Variants in MYLK observed in about 807,000 individuals in gnomAD.
MYLK encodes the protein myosin light chain kinase, smooth muscle.
Under a neutral mutation model 203.4 loss-of-function variants are expected in MYLK, and 106 were observed. The observed-to-expected ratio is 0.52, with a 90% CI of 0.45 to 0.61. MYLK has a LOEUF of 0.61. MYLK is among the 20% of genes least tolerant of loss of function. The pLI is 0.00. For synonymous variants in MYLK, 867 were observed against 959.5 expected (o/e 0.90, Z 1.78); for missense variants, 2,072 against 2,442.3 (o/e 0.85, Z 3.20).
intron 11 of MYLK, among the ~76,000 whole-genome samples, chr3:123,731,012 T>C (rs2062456422): frequency 6.6e-6 from 1 of 152,182 alleles, no homozygotes; most frequent in Non-Finnish European, 1.5e-5. Context: ...AATAGTCTTC[T>C]GTGAGACTTA....
Position 123,734,065 on chromosome 3 carries a change from T to C in MYLK, c.931A>G (p.Asn311Asp), listed in dbSNP as rs2062590430. The C allele has an allele frequency of 3.7e-6, 6 of 1,613,760 alleles. No individual in the cohort carries two copies. Among genetic ancestry groups the C allele is most frequent in the Non-Finnish European group, 5.1e-6 (6 of 1,179,774 alleles). Residue 311 changes from asparagine (N) to aspartate (D), a missense_variant, in exon 10 of 34, where the codon AAC becomes GAC. Coordinates refer to ENST00000360304, the MANE Select transcript of MYLK (RefSeq NM_053025.4). The part of the protein sequence containing the change: ...QRGGSPPWAA[N>D]SQPQPPRESK... ...TCCCTTGGGGGCTGAGGCTGGCTGT[T>C]TGCAGCCCAGGGTGGGGAGCCACCT...
chr3:123,864,797 C>T (rs77582428), intron 2 of MYLK, among the ~76,000 whole-genome samples: 23 of 152,036 alleles, frequency 1.5e-4, no homozygotes, highest in African/African-American at 5.1e-4. Flanking sequence ...TCCAGCTACT[C>T]GGGAAGCTAA....
At chr3:123,792,125 C>T (rs1045426881) in intron 4 of MYLK, among the ~76,000 whole-genome samples, 2 of 152,196 alleles carry the variant, frequency 1.3e-5, no homozygotes, top group Non-Finnish European at 2.9e-5. Flanking sequence ...ATGGTTCTTT[C>T]ATGACACCAA....
At chr3:123,746,974 CAAAAG>C (rs2063037486) in intron 5 of MYLK, among the ~76,000 whole-genome samples, 14 of 152,162 alleles carry the variant, frequency 9.2e-5, no homozygotes, top group Admixed American at 9.2e-4. Context: ...CAAAAAGAAC[CAAAAG>C]AAGAACCATG....
chr3:123,672,712 G>A (rs538185981), intron 20 of MYLK, among the ~76,000 whole-genome samples: 13 of 152,330 alleles, frequency 8.5e-5, no homozygotes, highest in African/African-American at 3.1e-4. Flanking sequence ...CTGTAAATTT[G>A]GAGCTACCAT....
intron 24 of MYLK, among the ~76,000 whole-genome samples, chr3:123,652,075 G>A (rs1250957841): frequency 1.3e-5 from 2 of 152,086 alleles, no homozygotes; most frequent in Admixed American, 6.5e-5. Flanking sequence ...AGTGAGACCC[G>A]ATCTCTTTAA....
chr3:123,825,365 C>A (rs1219146964), intron 3 of MYLK, among the ~76,000 whole-genome samples: 1 of 152,138 alleles, frequency 6.6e-6, no homozygotes, highest in Non-Finnish European at 1.5e-5. Flanking sequence ...GCAGATCTAT[C>A]TCCCCTGCCA....
At position 123,648,880 on chromosome 3, in the gene MYLK, G is replaced by T; in HGVS notation, c.4415+91C>A. On this transcript the variant is annotated intron_variant, in intron 26 of 33. Coordinates refer to ENST00000360304, the MANE Select transcript of MYLK (RefSeq NM_053025.4). This position sits in a 1 kb window ranked among gnomAD's most constrained non-coding sequence, Gnocchi z 4.5. The stretch of plus-strand genomic sequence containing the variant: ...GTCTGGGGAGGAGGCAGGCCCCAGG[G>T]AGCAACAGGAAGCTGAGGCACTGAA... The T allele has an allele frequency of 9.2e-7, 1 of 1,091,800 alleles. No homozygotes were observed. Among genetic ancestry groups the T allele is most frequent in the Admixed American group, 1.7e-5 (1 of 58,504 alleles). 67.6% of individuals were successfully genotyped at this position (1,091,800 alleles called of 1,614,324 possible).
chr3:123,756,390 A>T (rs1268806654), intron 4 of MYLK, among the ~76,000 whole-genome samples: 1 of 152,122 alleles, frequency 6.6e-6, no homozygotes. Flanking sequence ...CCAGGTGTGT[A>T]CCTAAGACAC....
At chr3:123,636,903 T>C (rs1427601427) in intron 29 of MYLK, among the ~76,000 whole-genome samples, 2 of 152,220 alleles carry the variant, frequency 1.3e-5, no homozygotes, top group Non-Finnish European at 2.9e-5. Context: ...TAACAGGCTA[T>C]AGTGAGTAAA....
chr3:123,634,685 G>C (rs1386911245), intron 29 of MYLK, among the ~76,000 whole-genome samples: 1 of 152,210 alleles, frequency 6.6e-6, no homozygotes, highest in African/African-American at 2.4e-5. Context: ...GGGAGAGAAG[G>C]CATTGTGGAG....
At chr3:123,699,866 CGGCCCTCCTACCCAGCA>C (rs1179178234) in intron 18 of MYLK, among the ~76,000 whole-genome samples, 137 bp downstream of exon 18, 1 of 152,160 alleles carries the variant, frequency 6.6e-6, no homozygotes, top group African/African-American at 2.4e-5. Flanking sequence ...AACAGGGACG[CGGCCCTCCTACCCAGCA>C]GGCCCTCCTA....
rs1576282420 is a variant in MYLK at position 123,614,111 on chromosome 3, T to TTCTTCC, written c.5733_5738dup (p.Glu1912_Glu1913dup). On this transcript the variant is annotated inframe_insertion, in exon 34 of 34. Transcript: ENST00000360304. Reference sequence around the variant, plus strand: ...GCTTTTCTCTGGCTTTGTTTCACTCTTCTTCCTCTTCCCCTTCCCCTTCAC... The same window carrying TTCTTCC: ...GCTTTTCTCTGGCTTTGTTTCACTCTTCTTCCTCTTCCTCTTCCCCTTCCCCTTCAC... 1.2e-6 allele frequency: 2 copies of TTCTTCC among 1,613,940 alleles called. No individual in the cohort carries two copies. The highest frequency in any genetic ancestry group is 1.7e-6 in the Non-Finnish European group (2 of 1,179,984).
rs986856912 is a variant in MYLK at position 123,708,986 on chromosome 3, A to G, written c.1943-91T>C. On this transcript the variant is annotated intron_variant, in intron 14 of 33. Coordinates refer to ENST00000360304, the MANE Select transcript of MYLK (RefSeq NM_053025.4). ...CGCTGAATGCAGTGATATTGGATGA[A>G]ACACTCCAACAACTCTCTATGCTTT... is the stretch of plus-strand genomic sequence containing the variant. The G allele has an allele frequency of 4.8e-6, 5 of 1,039,348 alleles. No individual in the cohort carries two copies. The African/African-American group carries it at 6.3e-5, about 13-fold the overall frequency. The allele number at this position is 1,039,348 out of a possible 1,614,324, so 64.4% of individuals were successfully genotyped here.
intron 4 of MYLK, among the ~76,000 whole-genome samples, chr3:123,762,550 TTTATGCA>T (rs1447915373): frequency 2.0e-5 from 3 of 152,116 alleles, no homozygotes; most frequent in Non-Finnish European, 4.4e-5. Flanking sequence ...TCTTTTTAAT[TTTATGCA>T]TTATCTCTGC....
chr3:123,757,610 G>T (rs1392811347), intron 4 of MYLK, among the ~76,000 whole-genome samples: 1 of 152,230 alleles, frequency 6.6e-6, no homozygotes, highest in Non-Finnish European at 1.5e-5. Context: ...GGATTGGGAA[G>T]ATGCACCAAG....
At chr3:123,782,859 T>G (rs555229790) in intron 4 of MYLK, among the ~76,000 whole-genome samples, 1 of 152,290 alleles carries the variant, frequency 6.6e-6, no homozygotes, top group East Asian at 1.9e-4. Context: ...CTTAAAGAAC[T>G]TACAACAAAA....
intron 2 of MYLK, among the ~76,000 whole-genome samples, chr3:123,848,505 C>A (rs2030334594): frequency 6.6e-6 from 1 of 151,786 alleles, no homozygotes; most frequent in Non-Finnish European, 1.5e-5. Flanking sequence ...ATACACCATG[C>A]TAAAATAAAA....
chr3:123,710,816 T>C (rs2061663745), intron 13 of MYLK, among the ~76,000 whole-genome samples: 1 of 152,170 alleles, frequency 6.6e-6, no homozygotes, highest in African/African-American at 2.4e-5. Context: ...AAACTAGAAA[T>C]GACCCAAATG....
Sources: allele counts gnomAD v4.1 joint callset (sites outside exome capture counted in the v4.1 genomes callset), GRCh38; gene constraint gnomAD v4.1.1; non-coding constraint Gnocchi (gnomAD v3.1); transcripts MANE v1.5; gene names NCBI Gene and HGNC (gene_info 2026-07-23, HGNC 2026-07-21).